Variants in PLPPR5 observed in about 807,000 individuals in gnomAD.
The protein encoded by PLPPR5 is phospholipid phosphatase related 5, also known as phospholipid phosphatase-related protein type 5.
In PLPPR5, 16 loss-of-function variants were observed where a neutral mutation model predicts 33.9. The ratio of observed to expected loss-of-function variants is 0.47; its 90% CI spans 0.32 to 0.72. PLPPR5 has a LOEUF of 0.72. PLPPR5 is among the 30% of genes least tolerant of loss of function. The pLI is 0.03. For synonymous variants in PLPPR5, 163 were observed against 150.3 expected (o/e 1.08, Z -0.62); for missense variants, 301 against 406.7 (o/e 0.74, Z 2.23).
intron 4 of PLPPR5, among the ~76,000 whole-genome samples, chr1:98,916,980 G>A (rs566535238): frequency 6.6e-6 from 1 of 152,192 alleles, no homozygotes; most frequent in African/African-American, 2.4e-5. Flanking sequence ...ATTAGAAAAC[G>A]AAGAGGTTGC....
chr1:98,902,879 C>G (rs753088231), intron 5 of PLPPR5, among the ~76,000 whole-genome samples: 32 of 151,976 alleles, frequency 2.1e-4, no homozygotes, highest in Non-Finnish European at 4.4e-4. Context: ...AGTCTATATT[C>G]CAAAGTAATT....
intron 3 of PLPPR5, among the ~76,000 whole-genome samples, chr1:98,922,962 G>T (rs1436742385): frequency 2.0e-5 from 3 of 151,760 alleles, no homozygotes; most frequent in Admixed American, 6.6e-5. Context: ...TCCAGCCTGG[G>T]TGACAGAGCG....
rs1650351547 is a variant in PLPPR5, at chr1:98,941,094, C to T, written c.621+11976G>A. 2.6e-5 allele frequency among the ~76,000 whole-genome samples: 4 copies of T among 151,606 alleles called. 1 individual carries two copies. The highest frequency in any genetic ancestry group is 2.1e-4 in the South Asian group (1 of 4,804). ...GGAGTTGTGGGGTTCACTTGAAAGG[C>T]GTGGAGGTGGGAATAGATGGGATCA... On this transcript the variant is annotated intron_variant, in intron 3 of 5. Coordinates refer to ENST00000263177, the MANE Select transcript of PLPPR5 (RefSeq NM_001037317.2).
chr1:98,949,553 T>A (rs966969691), intron 3 of PLPPR5, among the ~76,000 whole-genome samples: 43 of 152,294 alleles, frequency 2.8e-4, no homozygotes, highest in African/African-American at 1.0e-3. Flanking sequence ...CATAAGACCA[T>A]TTCCACAGAG....
chr1:98,920,593 C>CAAAAAAAAAAAAAAAAAA lies in PLPPR5; in HGVS notation c.798+1288_798+1289insTTTTTTTTTTTTTTTTTT, dbSNP rs763477562. Among the ~76,000 whole-genome samples the CAAAAAAAAAAAAAAAAAA allele has an allele frequency of 4.3e-4, 30 of 69,008 alleles. 7 individuals are homozygous for CAAAAAAAAAAAAAAAAAA. Among genetic ancestry groups the CAAAAAAAAAAAAAAAAAA allele is most frequent in the East Asian group, 2.3e-3 (5 of 2,142 alleles). The allele number at this position is 69,008 out of a possible 152,430, so 45.3% of individuals were successfully genotyped here. ...TGGGAATCACAGAGAGTGGTATCACCAAAAAAAAAAAAAAAAGCAGCACAG... is the reference window on the plus strand; with the variant it reads ...TGGGAATCACAGAGAGTGGTATCACCAAAAAAAAAAAAAAAAAAAAAAAAAAAAAAAAAAGCAGCACAG... On this transcript the variant is annotated intron_variant, in intron 4 of 5. Transcript: ENST00000263177.
intron 3 of PLPPR5, among the ~76,000 whole-genome samples, chr1:98,931,392 G>A (rs1010138772): frequency 7.2e-5 from 11 of 152,068 alleles, no homozygotes; most frequent in Admixed American, 3.9e-4. Flanking sequence ...CATGACATTG[G>A]TACTCAACAA....
intron 1 of PLPPR5, among the ~76,000 whole-genome samples, chr1:98,965,616 C>A (rs910984379): frequency 6.6e-6 from 1 of 152,140 alleles, no homozygotes; most frequent in African/African-American, 2.4e-5. Flanking sequence ...GTTCTCATAC[C>A]TCAACCTTTG....
chr1:98,913,964 C>G (rs545314156), intron 5 of PLPPR5, among the ~76,000 whole-genome samples: 6 of 152,132 alleles, frequency 3.9e-5, no homozygotes, highest in Non-Finnish European at 7.4e-5. Flanking sequence ...TGCATTCAGC[C>G]CAATGGAGTC....
At chr1:98,918,583 C>G (rs182696919) in intron 4 of PLPPR5, among the ~76,000 whole-genome samples, 2 of 152,156 alleles carry the variant, frequency 1.3e-5, no homozygotes, top group Admixed American at 6.5e-5. Context: ...GCACATAATT[C>G]CTTATTAAAT....
At chr1:98,894,489 G>T (rs954659321) in intron 5 of PLPPR5, among the ~76,000 whole-genome samples, 1 of 152,082 alleles carries the variant, frequency 6.6e-6, no homozygotes, top group Non-Finnish European at 1.5e-5. Context: ...TCGATATAGA[G>T]TGTTTCAGCA....
chr1:98,953,701 C>T (rs983516880), intron 2 of PLPPR5, among the ~76,000 whole-genome samples: 1 of 152,070 alleles, frequency 6.6e-6, no homozygotes, highest in African/African-American at 2.4e-5. Context: ...CTTTTTTCCC[C>T]CATTTTTTGA....
At chr1:98,903,327 A>C (rs1329655237) in intron 5 of PLPPR5, among the ~76,000 whole-genome samples, 1 of 152,158 alleles carries the variant, frequency 6.6e-6, no homozygotes, top group Non-Finnish European at 1.5e-5. Flanking sequence ...TTTATATTAC[A>C]GTTCAGCAGC....
intron 3 of PLPPR5, among the ~76,000 whole-genome samples, chr1:98,933,210 T>C (rs1357962776): frequency 6.8e-6 from 1 of 148,138 alleles, no homozygotes; most frequent in African/African-American, 2.5e-5. Context: ...AAAAAAAAGG[T>C]TTCAGTGGCT....
intron 5 of PLPPR5, among the ~76,000 whole-genome samples, chr1:98,913,706 A>T (rs187682330): frequency 6.6e-6 from 1 of 152,228 alleles, no homozygotes; most frequent in South Asian, 2.1e-4. Context: ...ACACCTGATT[A>T]GTGTGTAACT....
chr1:98,944,867 C>T (rs150075030), intron 3 of PLPPR5, among the ~76,000 whole-genome samples: 1,989 of 152,274 alleles, frequency 0.013, 24 homozygotes, highest in African/African-American at 0.019. Flanking sequence ...GTGGGAGCAT[C>T]GCAATGTATG....
At chr1:98,999,185 G>T (rs1652737425) in intron 1 of PLPPR5, among the ~76,000 whole-genome samples, 1 of 152,162 alleles carries the variant, frequency 6.6e-6, no homozygotes, top group Non-Finnish European at 1.5e-5. Context: ...TTTGCTAGGT[G>T]CTTTAAAGAG....
intron 1 of PLPPR5, among the ~76,000 whole-genome samples, chr1:98,990,079 T>A (rs953110358): frequency 6.6e-6 from 1 of 152,136 alleles, no homozygotes; most frequent in Non-Finnish European, 1.5e-5. Context: ...AATATCACCC[T>A]TGATAAAGAA....
rs561710804 is a variant in PLPPR5, at chr1:98,928,005, T to C, written c.622-5947A>G. ...CTTTTGATATGTAAAGCTGTGGTAT[T>C]TGGAAATTCCTGTTCTCTCTTGACA... On this transcript the variant is annotated intron_variant, in intron 3 of 5. Transcript: ENST00000263177. Among the ~76,000 whole-genome samples the C allele has an allele frequency of 2.0e-4, 30 of 152,258 alleles. No individual in the cohort carries two copies. The South Asian group carries it at 3.1e-3, about 16-fold the overall frequency.
rs1649142996 is a variant in PLPPR5, at chr1:98,911,437, T to C, written c.933+3349A>G. Among the ~76,000 whole-genome samples, 3 of 152,224 alleles carry C rather than the reference T, an allele frequency of 2.0e-5. No individual in the cohort carries two copies. The South Asian group carries it at 6.2e-4, about 32-fold the overall frequency. On this transcript the variant is annotated intron_variant, in intron 5 of 5. Transcript: ENST00000263177. ...ATTAATGAATACTCATCTGTAACAA[T>C]TTATAGATGAATAGAATTTTTTTGC...
Sources: gnomAD v4.1 joint callset for allele counts (sites outside exome capture counted in the v4.1 genomes callset) on GRCh38, gnomAD v4.1.1 for gene constraint, MANE v1.5 for transcripts, NCBI Gene and HGNC (gene_info 2026-07-23, HGNC 2026-07-21) for gene names.